SORCS2: variants seen among roughly 807,000 people sequenced by gnomAD.
SORCS2 encodes the protein VPS10 domain-containing receptor SorCS2.
Under a neutral mutation model 141.6 loss-of-function variants are expected in SORCS2, and 100 were observed. The observed-to-expected ratio is 0.71, with a 90% confidence interval of 0.60 to 0.83. SORCS2 has a LOEUF of 0.83. Ranked by LOEUF, SORCS2 falls within the 40% of genes least tolerant of loss-of-function variation. The pLI, the probability that SORCS2 is intolerant of heterozygous loss-of-function variation, is 0.00. For synonymous variants in SORCS2, 789 were observed against 676.9 expected, an observed-to-expected ratio of 1.17 and a Z score of -2.57; for missense variants, 1,646 against 1,560.2, an observed-to-expected ratio of 1.05 and a Z score of -0.93.
At chr4:7,506,566 C>T (rs1474024586) in intron 2 of SORCS2, among the ~76,000 whole-genome samples, 2 of 152,182 alleles carry the variant, frequency 1.3e-5, no homozygotes, top group East Asian at 3.9e-4. Context: ...AACAGTGGAA[C>T]CCGTAAGTCA....
intron 3 of SORCS2, among the ~76,000 whole-genome samples, chr4:7,587,550 C>A (rs1437842238): frequency 1.3e-5 from 2 of 152,168 alleles, no homozygotes; most frequent in Non-Finnish European, 2.9e-5. Flanking sequence ...TTGATTAGGC[C>A]CAAGGCAGGC....
chr4:7,640,283 T>C (rs972831794), intron 4 of SORCS2, among the ~76,000 whole-genome samples: 1 of 149,584 alleles, frequency 6.7e-6, no homozygotes, highest in African/African-American at 2.5e-5. Flanking sequence ...TGTGGGTGTG[T>C]GTGAGCATGT....
At chr4:7,322,840 A>G (rs73796635) in intron 1 of SORCS2, among the ~76,000 whole-genome samples, 4,765 of 152,214 alleles carry the variant, frequency 0.031, 229 homozygotes, top group African/African-American at 0.11. Context: ...TGCAGAGATG[A>G]TTGGGGCCTC....
chr4:7,360,437 G>T (rs181407324), intron 1 of SORCS2, among the ~76,000 whole-genome samples: 1 of 151,910 alleles, frequency 6.6e-6, no homozygotes, highest in Non-Finnish European at 1.5e-5. Context: ...CGGAGCTTAG[G>T]CCCCTGTGAG....
chr4:7,603,935 G>A (rs574810004), intron 3 of SORCS2, among the ~76,000 whole-genome samples: 1 of 152,152 alleles, frequency 6.6e-6, no homozygotes, highest in South Asian at 2.1e-4. Flanking sequence ...GATATTTTTA[G>A]TTTTAATAAA....
At chr4:7,374,338 C>A (rs116472704) in intron 1 of SORCS2, among the ~76,000 whole-genome samples, 1,614 of 152,130 alleles carry the variant, frequency 0.011, 55 homozygotes, top group Admixed American at 0.068. Context: ...AAATGCTCCT[C>A]CCCCATGTGA....
At chr4:7,337,301 G>A (rs1304041130) in intron 1 of SORCS2, among the ~76,000 whole-genome samples, 5 of 152,148 alleles carry the variant, frequency 3.3e-5, no homozygotes, top group Admixed American at 6.5e-5. Context: ...CACCTGCAAC[G>A]TGCGGTCTGC....
At chr4:7,431,364 G>C (rs74563302) in intron 2 of SORCS2, 25,004 of 152,344 alleles carry the variant, frequency 0.16, 2,139 homozygotes, top group Middle Eastern at 0.28. Context: ...CAGGTGTGGC[G>C]CTTGCCCTCT....
intron 8 of SORCS2, among the ~76,000 whole-genome samples, chr4:7,675,721 G>A (rs1040519678): frequency 2.6e-5 from 4 of 152,158 alleles, no homozygotes; most frequent in African/African-American, 7.2e-5. Flanking sequence ...GAAGAACTCC[G>A]CCTCCCCACT....
Position 7,704,299 on chromosome 4 carries a change from CG to C in SORCS2, c.1868+19del. On this transcript the variant is annotated intron_variant, in intron 14 of 26. Coordinates refer to ENST00000507866, the MANE Select transcript of SORCS2 (RefSeq NM_020777.3). ...CTGGTCATGACGTGAGTGCGGGGACCGGGGAGTGGGCACTGGTGGCAGGGCA... is the reference window on the plus strand; with the variant it reads ...CTGGTCATGACGTGAGTGCGGGGACCGGGAGTGGGCACTGGTGGCAGGGCA... The C allele has an allele frequency of 1.3e-6, 2 of 1,596,322 alleles. No individual in the cohort carries two copies. The highest frequency in any genetic ancestry group is 1.7e-5 in the Admixed American group (1 of 57,834).
chr4:7,462,658 G>A (rs572682799), intron 2 of SORCS2, among the ~76,000 whole-genome samples: 1 of 151,970 alleles, frequency 6.6e-6, no homozygotes, highest in African/African-American at 2.4e-5. Context: ...GGAGCCTCTT[G>A]TTCATCCTGG....
intron 1 of SORCS2, among the ~76,000 whole-genome samples, chr4:7,348,290 G>C (rs986989453): frequency 6.6e-6 from 1 of 151,926 alleles, no homozygotes; most frequent in Non-Finnish European, 1.5e-5. Flanking sequence ...TTCATTCAGA[G>C]AAAGCATATT....
chr4:7,401,452 T>C (rs1027768454), intron 2 of SORCS2, among the ~76,000 whole-genome samples: 2 of 152,080 alleles, frequency 1.3e-5, no homozygotes, highest in African/African-American at 4.8e-5. Context: ...ATTTACAGGG[T>C]CATCTTAGGG....
At chr4:7,720,903 C>T (rs1331973312) in intron 18 of SORCS2, among the ~76,000 whole-genome samples, 2 of 152,188 alleles carry the variant, frequency 1.3e-5, no homozygotes, top group Non-Finnish European at 2.9e-5. Flanking sequence ...TGGAGAATGC[C>T]ACAGGTGTTC....
At chr4:7,370,732 T>C (rs1722196662) in intron 1 of SORCS2, among the ~76,000 whole-genome samples, 1 of 152,180 alleles carries the variant, frequency 6.6e-6, no homozygotes, top group Non-Finnish European at 1.5e-5. Context: ...TCCTGTGCCT[T>C]GATCCTGTGT....
At chr4:7,309,500 C>T (rs755409414) in intron 1 of SORCS2, among the ~76,000 whole-genome samples, 4 of 152,124 alleles carry the variant, frequency 2.6e-5, no homozygotes, top group Non-Finnish European at 5.9e-5. Flanking sequence ...TGACACCGGG[C>T]GACACAGACG....
In SORCS2 at chr4:7,494,247, A is replaced by G. The variant is rs544342490; in HGVS notation, c.549-37283A>G. Among the ~76,000 whole-genome samples the G allele has an allele frequency of 4.6e-5, 7 of 152,310 alleles. No homozygotes were observed. In the South Asian group the frequency reaches 1.4e-3, roughly 32 times the overall value. On this transcript the variant is annotated intron_variant, in intron 2 of 26. Transcript: ENST00000507866. ...GCATGAGCTTCCCCATGAGTGGTCCACGCCATGAGCCTGTAGTGACTGATC... is the reference window on the plus strand; with the variant it reads ...GCATGAGCTTCCCCATGAGTGGTCCGCGCCATGAGCCTGTAGTGACTGATC...
At chr4:7,474,894 C>T (rs1419149691) in intron 2 of SORCS2, among the ~76,000 whole-genome samples, 1 of 152,154 alleles carries the variant, frequency 6.6e-6, no homozygotes, top group Admixed American at 6.5e-5. Flanking sequence ...TTCTGGCTGT[C>T]CCACCTCCTG....
At chr4:7,360,571 C>CTTTTTTTTTT (rs753548897) in intron 1 of SORCS2, among the ~76,000 whole-genome samples, 1,318 of 49,274 alleles carry the variant, frequency 0.027, 355 homozygotes, top group African/African-American at 0.051. Flanking sequence ...CCAGTCCCTT[C>CTTTTTTTTTT]TTTTTTTTTT....
Sources: allele counts gnomAD v4.1 joint callset (sites outside exome capture counted in the v4.1 genomes callset), GRCh38; gene constraint gnomAD v4.1.1; transcripts MANE v1.5; gene names NCBI Gene and HGNC (gene_info 2026-07-23, HGNC 2026-07-21).